The following FAAP24 variants were observed in gnomAD, a reference collection of about 807,000 sequenced individuals.
The protein encoded by FAAP24 is FA core complex associated protein 24.
A neutral mutation model predicts 14.3 loss-of-function variants in FAAP24; 16 were observed. The observed-to-expected ratio is 1.12, with a 90% CI of 0.76 to 1.69. The LOEUF (loss-of-function observed/expected upper bound fraction) is 1.69, where lower values mean the gene tolerates loss of function less well. FAAP24 is among the 40% of genes most tolerant of loss of function. FAAP24 has a pLI of 0.00. For missense variants in FAAP24, 234 were observed against 262.7 expected (o/e 0.89, Z 0.75); for synonymous variants, 111 against 106.2 (o/e 1.04, Z -0.28).
Position 32,977,450 on chromosome 19 carries a change from C to T in FAAP24, c.*768C>T, listed in dbSNP as rs1335802686. ...TCATCAGGTCTGGCCTTCATATACC[C>T]GTACTGCGAGGGCTGTTTCCAATGT... On this transcript the variant is annotated 3_prime_UTR_variant, in exon 5 of 5. Transcript: ENST00000588258. 3.0e-5 allele frequency: 12 copies of T among 398,440 alleles called. No individual in the cohort carries two copies. Among genetic ancestry groups the T allele is most frequent in the Middle Eastern group, 6.2e-4 (1 of 1,610 alleles). 24.7% of individuals were successfully genotyped at this position (398,440 alleles called of 1,614,324 possible).
At position 32,977,406 on chromosome 19, in the gene FAAP24, C is replaced by T. The variant is rs115951184; in HGVS notation, c.*724C>T. ...ACTGTGTATCCTAAGCCCTGGGTTC[C>T]CAGAGTTTCACCTGCTGTTCATCAG... On this transcript the variant is annotated 3_prime_UTR_variant, in exon 5 of 5. Transcript: ENST00000588258. The T allele has an allele frequency of 3.5e-3, 1,399 of 398,598 alleles. 14 individuals carry two copies. Among genetic ancestry groups the T allele is most frequent in the African/African-American group, 0.017 (834 of 48,738 alleles). 24.7% of individuals were successfully genotyped at this position (398,598 alleles called of 1,614,324 possible).
rs1451720296 is a variant in FAAP24 at position 32,973,539 on chromosome 19, AAG to A, written c.223_224del (p.Arg75AlafsTer5). ...TTTGGTGGCAGGAAATGGCTACAGA[AAG>A]AGGCTTGTTCGGGTTAGAAATGTAA... ...ADLVAGNGYR[K>X]RLVRVRNSNN... On this transcript the variant is annotated frameshift_variant, in exon 3 of 5. Coordinates refer to ENST00000588258, the MANE Select transcript of FAAP24 (RefSeq NM_152266.5). LOFTEE classifies it high-confidence loss of function. The A allele has an allele frequency of 6.2e-7, 1 of 1,614,098 alleles. No individual in the cohort carries two copies. The highest frequency in any genetic ancestry group is 1.3e-5 in the African/African-American group (1 of 74,938).
At chr19:32,975,037 G>A (rs900099117) in intron 4 of FAAP24, among the ~76,000 whole-genome samples, 3 of 151,188 alleles carry the variant, frequency 2.0e-5, no homozygotes, top group African/African-American at 4.9e-5. Context: ...CACCACACCC[G>A]GCTAATTTTT....
chr19:32,973,378 C>T (rs1971468508), intron 2 of FAAP24, 48 bp from the exon 3 acceptor site: 6 of 1,600,492 alleles, frequency 3.7e-6, no homozygotes, highest in Non-Finnish European at 5.1e-6. Context: ...TTATTGCCAT[C>T]TTTTCATCCA....
chr19:32,977,653 G>T lies in FAAP24; in HGVS notation c.*971G>T. The T allele has an allele frequency of 2.6e-6, 1 of 383,400 alleles. No homozygotes were observed. Among genetic ancestry groups the T allele is most frequent in the African/African-American group, 2.1e-5 (1 of 48,402 alleles). 23.7% of individuals were successfully genotyped at this position (383,400 alleles called of 1,614,324 possible). Reference sequence around the variant, plus strand: ...GAAAACTCAACGGCCGGGCATAGTGGCTCACACCTGTAATCCCAGCACTTT... The same window carrying T: ...GAAAACTCAACGGCCGGGCATAGTGTCTCACACCTGTAATCCCAGCACTTT... On this transcript the variant is annotated 3_prime_UTR_variant, in exon 5 of 5. Transcript: ENST00000588258.
intron 1 of FAAP24, among the ~76,000 whole-genome samples, 194 bp from the exon 2 acceptor site, chr19:32,972,990 T>C (rs1971458511): frequency 6.6e-6 from 1 of 152,108 alleles, no homozygotes; most frequent in Non-Finnish European, 1.5e-5. Flanking sequence ...AGTGCTGGGA[T>C]TACAGGTGTG....
rs1210175535 is a variant in FAAP24 at position 32,976,342 on chromosome 19, G to GA, written c.397-84dup. 37 of 1,503,828 alleles carry GA rather than the reference G, an allele frequency of 2.5e-5. No individual in the cohort carries two copies. In the East Asian group the frequency reaches 4.6e-4, roughly 19 times the overall value. The allele number at this position is 1,503,828 out of a possible 1,614,324, so 93.2% of individuals were successfully genotyped here. On this transcript the variant is annotated intron_variant, in intron 4 of 4. Coordinates refer to ENST00000588258, the MANE Select transcript of FAAP24 (RefSeq NM_152266.5). ...CCCTTAAGTCAAGCTGAGCCAAATG[G>GA]AAAAACGCAATTTCTACAAAACATA...
intron 2 of FAAP24, 31 bp from the exon 3 acceptor site, chr19:32,973,395 A>G (rs1207175127): frequency 1.9e-6 from 3 of 1,609,460 alleles, no homozygotes; most frequent in African/African-American, 2.7e-5. Flanking sequence ...TCCAAAGCTT[A>G]TGGAACTCAT....
In FAAP24 at chr19:32,976,457, T is replaced by TAA. The variant is rs1470622161; in HGVS notation, c.424_425dup (p.Asn143ArgfsTer46). ...TTCAAGAGCAAACCAAAGAGCCCAG[T>TAA]AAGAACCCTCTTCTCGGGAAGAAAC... On this transcript the variant is annotated frameshift_variant, in exon 5 of 5. Transcript: ENST00000588258. LOFTEE classifies it high-confidence loss of function. The TAA allele has an allele frequency of 3.1e-6, 5 of 1,614,204 alleles. No individual in the cohort carries two copies. Among genetic ancestry groups the TAA allele is most frequent in the Non-Finnish European group, 4.2e-6 (5 of 1,180,022 alleles).
At chr19:32,973,155 C>T in intron 1 of FAAP24, 29 bp from the exon 2 acceptor site, 2 of 1,590,474 alleles carry the variant, frequency 1.3e-6, no homozygotes, top group South Asian at 1.1e-5. Flanking sequence ...AGAGCCTGCT[C>T]AAGTGCCGCC....
chr19:32,976,410 G>T (rs1450773362), intron 4 of FAAP24, 21 bp from the exon 5 acceptor site: 3 of 1,597,868 alleles, frequency 1.9e-6, no homozygotes, highest in Non-Finnish European at 2.6e-6. Flanking sequence ...CTCACGTGCT[G>T]TTGCTTTCAT....
In FAAP24 at chr19:32,972,279, T is replaced by G. The variant is rs1326262439; in HGVS notation, c.-81T>G. 2 of 441,744 alleles carry G rather than the reference T, an allele frequency of 4.5e-6. No individual in the cohort carries two copies. The highest frequency in any genetic ancestry group is 4.0e-5 in the African/African-American group (2 of 50,556). 27.4% of individuals were successfully genotyped at this position (441,744 alleles called of 1,614,324 possible). A position where few individuals can be genotyped will look rare whatever the true frequency, so the allele number is the denominator to read the frequency against. On this transcript the variant is annotated 5_prime_UTR_variant, in exon 1 of 5. Coordinates refer to ENST00000588258, the MANE Select transcript of FAAP24 (RefSeq NM_152266.5). ...GGTGGCGCGGCCACCAGTAACATGA[T>G]CTCTAGACTGGGACGGTGGGGTTCC... is the stretch of plus-strand genomic sequence containing the variant.
Position 32,972,305 on chromosome 19 carries a change from T to C in FAAP24, c.-55T>C, listed in dbSNP as rs944844682. On this transcript the variant is annotated 5_prime_UTR_variant, in exon 1 of 5. Coordinates refer to ENST00000588258, the MANE Select transcript of FAAP24 (RefSeq NM_152266.5). ...CTCTAGACTGGGACGGTGGGGTTCCTGCCGGCTGTATTCGGGCCTTGGACT... is the reference window on the plus strand; with the variant it reads ...CTCTAGACTGGGACGGTGGGGTTCCCGCCGGCTGTATTCGGGCCTTGGACT... 13 of 421,518 alleles carry C rather than the reference T, an allele frequency of 3.1e-5. No homozygotes were observed. Among genetic ancestry groups the C allele is most frequent in the African/African-American group, 2.2e-4 (11 of 49,696 alleles). The allele number at this position is 421,518 out of a possible 1,614,324, so 26.1% of individuals were successfully genotyped here.
Position 32,977,065 on chromosome 19 carries a change from A to G in FAAP24, c.*383A>G. Reference sequence around the variant, plus strand: ...CAAAGAAAACAACAAAAAAAAAAAAAAAAGAAAAAGGATTTTCTCCAGCAG... The same window carrying G: ...CAAAGAAAACAACAAAAAAAAAAAAGAAAGAAAAAGGATTTTCTCCAGCAG... On this transcript the variant is annotated 3_prime_UTR_variant, in exon 5 of 5. Transcript: ENST00000588258. 3 of 405,806 alleles carry G rather than the reference A, an allele frequency of 7.4e-6. No homozygotes were observed. The highest frequency in any genetic ancestry group is 6.3e-4 in the Middle Eastern group (1 of 1,594). 25.1% of individuals were successfully genotyped at this position (405,806 alleles called of 1,614,324 possible).
At position 32,976,436 on chromosome 19, in the gene FAAP24, A is replaced by G. The variant is rs776005694; in HGVS notation, c.402A>G (p.Gln134=). Residue 134 remains glutamine (Q), a synonymous_variant, in exon 5 of 5, where the codon CAA becomes CAG. Coordinates refer to ENST00000588258, the MANE Select transcript of FAAP24 (RefSeq NM_152266.5). The stretch of plus-strand genomic sequence containing the variant: ...TTGCTTTCATTGTGGTTCAGGTTCA[A>G]GAGCAAACCAAAGAGCCCAGTAAGA... The part of the protein sequence containing the change: ...EASCLVIQLV[Q]EQTKEPSKNP... 5 of 1,612,878 alleles carry G rather than the reference A, an allele frequency of 3.1e-6. No homozygotes were observed. In the East Asian group the frequency reaches 8.9e-5, roughly 29 times the overall value.
At chr19:32,973,625 C>T (rs562851286) in intron 3 of FAAP24, 63 bp downstream of exon 3, 62 of 1,568,084 alleles carry the variant, frequency 4.0e-5, no homozygotes, top group East Asian at 2.7e-4. Context: ...GAGGCCAAGG[C>T]GGGTGGATCA....
rs1411456446 is a variant in FAAP24, at chr19:32,974,217, G to C, written c.396+5G>C. On this transcript the variant is annotated splice_donor_5th_base_variant and intron_variant, in intron 4 of 4. Coordinates refer to ENST00000588258, the MANE Select transcript of FAAP24 (RefSeq NM_152266.5). Reference sequence around the variant, plus strand: ...TCCTGCCTCGTCATCCAGTTGGTGAGTACCGATTCCTACACCTTCGTGGTA... The same window carrying C: ...TCCTGCCTCGTCATCCAGTTGGTGACTACCGATTCCTACACCTTCGTGGTA... 6.2e-7 allele frequency: 1 copy of C among 1,609,616 alleles called. No homozygotes were observed. Among genetic ancestry groups the C allele is most frequent in the Non-Finnish European group, 8.5e-7 (1 of 1,178,486 alleles).
intron 4 of FAAP24, 138 bp downstream of exon 4, chr19:32,974,350 A>T: frequency 9.8e-7 from 1 of 1,016,634 alleles, no homozygotes; most frequent in Middle Eastern, 2.4e-4. Context: ...TTAAATGCGG[A>T]AGCTGCCTCT....
Position 32,976,584 on chromosome 19 carries a change from A to G in FAAP24, c.550A>G (p.Ile184Val). The G allele has an allele frequency of 1.9e-6, 3 of 1,614,194 alleles. No homozygotes were observed. The highest frequency in any genetic ancestry group is 2.5e-6 in the Non-Finnish European group (3 of 1,180,040). The part of the protein sequence containing the change: ...APLLLQKFPS[I>V]QQLSNASIGE... ...CCTTCTCCTCCAGAAGTTTCCAAGCATCCAGCAACTGAGTAATGCTTCCAT... is the reference window on the plus strand; with the variant it reads ...CCTTCTCCTCCAGAAGTTTCCAAGCGTCCAGCAACTGAGTAATGCTTCCAT... Residue 184 changes from isoleucine (I) to valine (V), a missense_variant, in exon 5 of 5, where the codon ATC becomes GTC. Transcript: ENST00000588258.
Sources: allele counts gnomAD v4.1 joint callset (sites outside exome capture counted in the v4.1 genomes callset), GRCh38; gene constraint gnomAD v4.1.1; transcripts MANE v1.5; gene names NCBI Gene and HGNC (gene_info 2026-07-23, HGNC 2026-07-21).